Variants in LIPA observed in about 807,000 individuals in gnomAD.
The protein encoded by LIPA is lipase A, lysosomal acid type, also known as lysosomal acid lipase/cholesteryl ester hydrolase.
Under a neutral mutation model 40.6 loss-of-function variants are expected in LIPA, and 26 were observed. That is an observed-to-expected ratio of 0.64 (90% CI 0.47 to 0.89). The LOEUF (loss-of-function observed/expected upper bound fraction) is 0.89. LIPA is among the 40% of genes least tolerant of loss of function. The pLI is 0.00. For missense variants in LIPA, 455 were observed against 479.6 expected, an observed-to-expected ratio of 0.95 and a Z score of 0.48; for synonymous variants, 188 against 168.4, an observed-to-expected ratio of 1.12 and a Z score of -0.90.
At chr10:89,392,213 A>G (rs945179200) in intron 2 of LIPA, among the ~76,000 whole-genome samples, 2 of 152,230 alleles carry the variant, frequency 1.3e-5, no homozygotes, top group East Asian at 3.8e-4. Context: ...GTAGATTTTT[A>G]TATTTGATAG....
intron 1 of LIPA, among the ~76,000 whole-genome samples, chr10:89,265,143 G>A (rs1253487979): frequency 6.6e-6 from 1 of 152,004 alleles, no homozygotes; most frequent in African/African-American, 2.4e-5. Flanking sequence ...CCAGGAGCAG[G>A]GAGAGGCCAG....
At chr10:89,383,823 G>A (rs1426362815) in intron 2 of LIPA, 1 of 1,614,198 alleles carries the variant, frequency 6.2e-7, no homozygotes. Context: ...CTCTGGAAGG[G>A]AACCCTGAAA....
intron 2 of LIPA, among the ~76,000 whole-genome samples, chr10:89,409,265 G>A (rs1183641369): frequency 1.3e-5 from 2 of 152,160 alleles, no homozygotes; most frequent in Non-Finnish European, 2.9e-5. Flanking sequence ...GGACCAAGAG[G>A]AACAGGCCGA....
chr10:89,367,582 G>T (rs1457141409), intron 2 of LIPA, among the ~76,000 whole-genome samples: 1 of 152,194 alleles, frequency 6.6e-6, no homozygotes, highest in Non-Finnish European at 1.5e-5. Context: ...ATTTACAGGG[G>T]TTGGCTAACA....
intron 4 of LIPA, among the ~76,000 whole-genome samples, 189 bp downstream of exon 4, chr10:89,228,011 T>C (rs1335222563): frequency 3.3e-5 from 5 of 152,186 alleles, no homozygotes; most frequent in Admixed American, 3.3e-4. Context: ...AATGTAATCA[T>C]TTACTTATAA....
At chr10:89,356,855 C>T (rs1483574006) in intron 2 of LIPA, among the ~76,000 whole-genome samples, 1 of 152,166 alleles carries the variant, frequency 6.6e-6, no homozygotes, top group Admixed American at 6.5e-5. Context: ...GGGATTGCTG[C>T]TTGAGGGGTT....
intron 2 of LIPA, among the ~76,000 whole-genome samples, chr10:89,357,923 T>C (rs1843996799): frequency 6.6e-6 from 1 of 152,244 alleles, no homozygotes; most frequent in Non-Finnish European, 1.5e-5. Flanking sequence ...CATTCCTCTT[T>C]TCCTGTTTGG....
In LIPA at chr10:89,376,273, G is replaced by T. The variant is rs553594247; in HGVS notation, c.61+36518C>A. On this transcript the variant is annotated intron_variant, in intron 2 of 8. Transcript: ENST00000371837. Reference sequence around the variant, plus strand: ...ACTTGTCTCATGCGAATGGGGAGATGTGGTCTATCTCAAGTTGCCTAAATC... The same window carrying T: ...ACTTGTCTCATGCGAATGGGGAGATTTGGTCTATCTCAAGTTGCCTAAATC... Among the ~76,000 whole-genome samples, 6 of 151,624 alleles carry T rather than the reference G, an allele frequency of 4.0e-5. No homozygotes were observed. The South Asian group carries it at 1.0e-3, about 26-fold the overall frequency.
chr10:89,260,256 A>C (rs997100418), intron 1 of LIPA, among the ~76,000 whole-genome samples: 3 of 152,220 alleles, frequency 2.0e-5, no homozygotes, highest in Non-Finnish European at 2.9e-5. Context: ...CTAATGCCAA[A>C]GATCCAGCTC....
chr10:89,288,379 A>T (rs1843352864), intron 1 of LIPA, among the ~76,000 whole-genome samples: 1 of 152,068 alleles, frequency 6.6e-6, no homozygotes, highest in African/African-American at 2.4e-5. Flanking sequence ...CATTCCTTAA[A>T]AACAGCCCTA....
At chr10:89,389,975 CTTTTTTTTT>C (rs56947144) in intron 2 of LIPA, among the ~76,000 whole-genome samples, 185 of 80,346 alleles carry the variant, frequency 2.3e-3, no homozygotes, top group African/African-American at 9.6e-3. Context: ...AGATTTCTTT[CTTTTTTTTT>C]TTTTTTTTTT....
upstream of LIPA, among the ~76,000 whole-genome samples, chr10:89,344,083 G>A (rs1843895798): frequency 4.6e-5 from 7 of 151,890 alleles, no homozygotes; most frequent in Admixed American, 3.3e-4. Context: ...ATAAAACCTG[G>A]GAATAATAAA....
chr10:89,377,854 A>C (rs304503), intron 2 of LIPA, among the ~76,000 whole-genome samples: 2 of 152,122 alleles, frequency 1.3e-5, no homozygotes, highest in Non-Finnish European at 2.9e-5. Flanking sequence ...TGACTCCAGC[A>C]AGGGAATTTG....
intron 2 of LIPA, chr10:89,383,900 G>A (rs1335845896): frequency 6.2e-7 from 1 of 1,614,160 alleles, no homozygotes; most frequent in Non-Finnish European, 8.5e-7. Flanking sequence ...ACAGCATCAG[G>A]GAGGAATAAG....
intron 3 of LIPA, among the ~76,000 whole-genome samples, chr10:89,237,760 G>A (rs945642678): frequency 2.6e-5 from 4 of 152,180 alleles, no homozygotes; most frequent in African/African-American, 9.7e-5. Context: ...GCCAGTAAGG[G>A]ACTGCCTTTC....
chr10:89,231,478 CT>C (rs34770706), intron 3 of LIPA, among the ~76,000 whole-genome samples: 51 of 147,532 alleles, frequency 3.5e-4, no homozygotes, highest in East Asian at 1.8e-3. Context: ...ATTCCCATAA[CT>C]TTTTTTTTTT....
At chr10:89,364,026 T>C (rs1335315165) in intron 2 of LIPA, among the ~76,000 whole-genome samples, 1 of 152,210 alleles carries the variant, frequency 6.6e-6, no homozygotes, top group African/African-American at 2.4e-5. Context: ...TCTTTTGAGA[T>C]GTTAAATGTT....
At chr10:89,318,618 A>C (rs1200373097) in intron 1 of LIPA, among the ~76,000 whole-genome samples, 1 of 152,194 alleles carries the variant, frequency 6.6e-6, no homozygotes, top group African/African-American at 2.4e-5. Flanking sequence ...ATAACAGGAG[A>C]CTTTAACACC....
chr10:89,351,419 A>G lies in LIPA; in HGVS notation c.61+61372T>C, dbSNP rs145561443. 9.8e-5 allele frequency among the ~76,000 whole-genome samples: 15 copies of G among 152,366 alleles called. No individual in the cohort carries two copies. In the East Asian group the frequency reaches 2.9e-3, roughly 29 times the overall value. On this transcript the variant is annotated intron_variant, in intron 2 of 8. Coordinates refer to the LIPA transcript ENST00000371837. ...GATGGCCTAATCAGAGAAAAATCCA[A>G]ATAGTCCAGAAAAGCCCAAAAAGTA...
Sources: gnomAD v4.1 joint callset for allele counts (sites outside exome capture counted in the v4.1 genomes callset) on GRCh38, gnomAD v4.1.1 for gene constraint, MANE v1.5 for transcripts, NCBI Gene and HGNC (gene_info 2026-07-23, HGNC 2026-07-21) for gene names.